The following SYCP2 variants were observed in gnomAD, a reference collection of about 807,000 sequenced individuals.
The protein encoded by SYCP2 is synaptonemal complex protein 2.
Under a neutral mutation model 211.3 loss-of-function variants are expected in SYCP2, and 55 were observed. That is an observed-to-expected ratio of 0.26 (90% CI 0.21 to 0.33). SYCP2 has a LOEUF of 0.33. Among genes scored for constraint, SYCP2 ranks in the 10% least tolerant of loss-of-function variants. SYCP2 has a pLI of 1.00. For synonymous variants in SYCP2, 570 were observed against 555.2 expected (o/e 1.03, Z -0.37); for missense variants, 1,731 against 1,752.0 (o/e 0.99, Z 0.21).
intron 35 of SYCP2, among the ~76,000 whole-genome samples, chr20:59,872,988 T>C (rs73309241): frequency 6.6e-6 from 1 of 152,064 alleles, no homozygotes; most frequent in Non-Finnish European, 1.5e-5. Context: ...TAAATATATA[T>C]TGAAAAGAAA....
intron 24 of SYCP2, among the ~76,000 whole-genome samples, chr20:59,887,853 C>A (rs1311197238): frequency 6.6e-6 from 1 of 151,774 alleles, no homozygotes; most frequent in African/African-American, 2.4e-5. Flanking sequence ...AGGGCCATCA[C>A]TGCTGATCAC....
chr20:59,880,959 A>T lies in SYCP2; in HGVS notation c.2772+7T>A, dbSNP rs1177730382. ...TCTAATAGACATATTGAGATATTAT[A>T]ACTTACTTTTTTATCTTTTGTTTTG... On this transcript the variant is annotated splice_region_variant and intron_variant, in intron 30 of 44. Transcript: ENST00000357552. The T allele has an allele frequency of 7.3e-7, 1 of 1,372,782 alleles. No homozygotes were observed. Among genetic ancestry groups the T allele is most frequent in the East Asian group, 2.5e-5 (1 of 39,844 alleles). 85.0% of individuals were successfully genotyped at this position (1,372,782 alleles called of 1,614,324 possible). A position where few individuals can be genotyped will look rare whatever the true frequency, so the allele number is the denominator to read the frequency against.
At position 59,895,600 on chromosome 20, in the gene SYCP2, A is replaced by G. The variant is rs1167910597; in HGVS notation, c.1505-3T>C. Reference sequence around the variant, plus strand: ...TCTTCTTCTTCGTGGTGGTATTGCTAAAAAGGAGGACAAGGATTGCAGATT... The same window carrying G: ...TCTTCTTCTTCGTGGTGGTATTGCTGAAAAGGAGGACAAGGATTGCAGATT... On this transcript the variant is annotated splice_polypyrimidine_tract_variant and splice_region_variant and intron_variant, in intron 19 of 44. Transcript: ENST00000357552. 9 of 1,608,416 alleles carry G rather than the reference A, an allele frequency of 5.6e-6. No homozygotes were observed. The highest frequency in any genetic ancestry group is 7.7e-6 in the Non-Finnish European group (9 of 1,176,146).
At chr20:59,911,075 CACCAGCCACA>C (rs2060314424) in intron 14 of SYCP2, among the ~76,000 whole-genome samples, 1 of 152,116 alleles carries the variant, frequency 6.6e-6, no homozygotes, top group Non-Finnish European at 1.5e-5. Context: ...ATTATAATAT[CACCAGCCACA>C]ACCAGATTAG....
rs2060500893 is a variant in SYCP2 at position 59,919,496 on chromosome 20, C to T, written c.399G>A (p.Leu133=). The T allele has an allele frequency of 6.4e-7, 1 of 1,567,988 alleles. No homozygotes were observed. ...LNMIEDLVDL[L]LVIHDVSDEG... is the part of the protein sequence containing the mutation. ...GTGTAATCAATGTGATTTTTACCAGCAGAAGATCAACTAAGTCTTCTATCA... is the reference window on the plus strand; with the variant it reads ...GTGTAATCAATGTGATTTTTACCAGTAGAAGATCAACTAAGTCTTCTATCA... The change falls in exon 6 of 45, where the codon CTG becomes CTA. Residue 133 remains leucine (L), a synonymous_variant. Coordinates refer to ENST00000357552, the MANE Select transcript of SYCP2 (RefSeq NM_014258.4).
intron 25 of SYCP2, 91 bp downstream of exon 25, chr20:59,886,616 T>C: frequency 1.1e-6 from 1 of 935,082 alleles, no homozygotes; most frequent in Non-Finnish European, 1.5e-6. Flanking sequence ...TTACATTATC[T>C]GAACCTATGT....
chr20:59,874,545 C>G (rs2145631544), intron 34 of SYCP2, among the ~76,000 whole-genome samples: 1 of 152,146 alleles, frequency 6.6e-6, no homozygotes, highest in East Asian at 1.9e-4. Context: ...GCATGTACAT[C>G]TATCTCCTGA....
chr20:59,887,149 C>A (rs900290878), intron 24 of SYCP2, among the ~76,000 whole-genome samples: 3 of 152,170 alleles, frequency 2.0e-5, no homozygotes, highest in Admixed American at 1.3e-4. Flanking sequence ...TATCCCTCCC[C>A]CCTTCCCCTA....
chr20:59,897,083 A>T (rs796284055), intron 18 of SYCP2, among the ~76,000 whole-genome samples: 46 of 152,266 alleles, frequency 3.0e-4, no homozygotes, highest in African/African-American at 1.1e-3. Flanking sequence ...ATATCATCTC[A>T]CACTAATTTA....
At chr20:59,892,807 A>AT in intron 22 of SYCP2, 106 bp from the exon 23 acceptor site, 1 of 1,022,580 alleles carries the variant, frequency 9.8e-7, no homozygotes, top group Non-Finnish European at 1.4e-6. Flanking sequence ...TACTTATGTG[A>AT]AAATTATGTG....
At chr20:59,879,860 T>TACACACAC (rs1222698665) in intron 31 of SYCP2, among the ~76,000 whole-genome samples, 1 of 120,610 alleles carries the variant, frequency 8.3e-6, no homozygotes, top group African/African-American at 3.4e-5. Context: ...TATATATATA[T>TACACACAC]ATACACACAC....
intron 36 of SYCP2, among the ~76,000 whole-genome samples, 193 bp downstream of exon 36, chr20:59,869,605 G>C (rs1327491513): frequency 1.3e-5 from 2 of 151,650 alleles, no homozygotes; most frequent in East Asian, 3.9e-4. Context: ...CATTTTAAAA[G>C]TTTCAACTTT....
chr20:59,881,887 A>G, intron 28 of SYCP2, 58 bp downstream of exon 28: 2 of 1,358,476 alleles, frequency 1.5e-6, no homozygotes, highest in Non-Finnish European at 2.1e-6. Flanking sequence ...TAATAACTGC[A>G]TGGTAAATGC....
intron 12 of SYCP2, 73 bp downstream of exon 12, chr20:59,913,902 A>G: frequency 3.7e-6 from 4 of 1,089,890 alleles, no homozygotes; most frequent in Non-Finnish European, 5.3e-6. Context: ...ATGTATAAAG[A>G]TGCAACACTG....
At chr20:59,927,083 A>C (rs2060647431) in intron 2 of SYCP2, among the ~76,000 whole-genome samples, 1 of 152,108 alleles carries the variant, frequency 6.6e-6, no homozygotes, top group Non-Finnish European at 1.5e-5. Context: ...ACAGCTGATG[A>C]AAGAACTCCA....
chr20:59,882,826 T>C (rs1217528080), intron 26 of SYCP2, among the ~76,000 whole-genome samples: 3 of 152,030 alleles, frequency 2.0e-5, no homozygotes, highest in African/African-American at 7.2e-5. Context: ...AATATATATA[T>C]TACCAGTGAA....
At chr20:59,867,914 G>T in intron 38 of SYCP2, 67 bp from the exon 39 acceptor site, 1 of 1,187,624 alleles carries the variant, frequency 8.4e-7, no homozygotes, top group Non-Finnish European at 1.2e-6. Flanking sequence ...TTGTAATTAG[G>T]CTAAGAACAA....
At chr20:59,929,490 C>A (rs1340611234) in intron 2 of SYCP2, among the ~76,000 whole-genome samples, 1 of 152,062 alleles carries the variant, frequency 6.6e-6, no homozygotes, top group Non-Finnish European at 1.5e-5. Flanking sequence ...CTGAAAACTG[C>A]CTCTGTCAGT....
At chr20:59,869,689 A>G (rs2059413543) in intron 36 of SYCP2, 109 bp downstream of exon 36, 1 of 584,684 alleles carries the variant, frequency 1.7e-6, no homozygotes, top group Non-Finnish European at 2.9e-6. Context: ...AGGTAATAAC[A>G]GTTGAAAAGC....
Sources: allele counts gnomAD v4.1 joint callset (sites outside exome capture counted in the v4.1 genomes callset), GRCh38; gene constraint gnomAD v4.1.1; transcripts MANE v1.5; gene names NCBI Gene and HGNC (gene_info 2026-07-23, HGNC 2026-07-21).